Variants in CALN1 observed in about 807,000 individuals in gnomAD.
The protein encoded by CALN1 is calneuron 1.
A neutral mutation model predicts 30.6 loss-of-function variants in CALN1; 17 were observed. The ratio of observed to expected loss-of-function variants is 0.56; its 90% CI spans 0.38 to 0.83. CALN1 has a LOEUF of 0.83. Ranked by LOEUF, CALN1 falls within the 40% of genes least tolerant of loss-of-function variation. CALN1 has a pLI of 0.00. For synonymous variants in CALN1, 156 were observed against 131.4 expected (o/e 1.19, Z -1.28); for missense variants, 291 against 354.9 (o/e 0.82, Z 1.45).
At chr7:72,431,376 C>A (rs1005836021) in intron 1 of CALN1, among the ~76,000 whole-genome samples, 3 of 152,174 alleles carry the variant, frequency 2.0e-5, no homozygotes, top group African/African-American at 2.4e-5. Context: ...GATCTCTGCA[C>A]CCCAATCCTT....
At chr7:72,165,588 T>A (rs1371094434) in intron 3 of CALN1, among the ~76,000 whole-genome samples, 3 of 151,722 alleles carry the variant, frequency 2.0e-5, no homozygotes, top group African/African-American at 7.3e-5. Context: ...AAACTCTGTC[T>A]CCAACAACAA....
At chr7:72,436,811 T>G (rs988445756) in intron 1 of CALN1, among the ~76,000 whole-genome samples, 1 of 152,132 alleles carries the variant, frequency 6.6e-6, no homozygotes, top group African/African-American at 2.4e-5. Context: ...TTCCCAGCCC[T>G]ACTGAATCAG....
intron 3 of CALN1, among the ~76,000 whole-genome samples, chr7:72,253,759 T>A (rs750506340): frequency 6.6e-6 from 1 of 152,146 alleles, no homozygotes; most frequent in East Asian, 1.9e-4. Context: ...TCTTTTTTTA[T>A]AGACAAAGTC....
intron 5 of CALN1, among the ~76,000 whole-genome samples, chr7:71,812,929 C>CATTATTATTATTATT (rs71092917): frequency 5.9e-5 from 8 of 136,502 alleles, no homozygotes; most frequent in South Asian, 2.5e-4. Context: ...TCATCATCAT[C>CATTATTATTATTATT]ATTATTATTA....
At chr7:72,285,984 C>T (rs759612292) in intron 2 of CALN1, among the ~76,000 whole-genome samples, 4 of 152,136 alleles carry the variant, frequency 2.6e-5, no homozygotes, top group Non-Finnish European at 4.4e-5. Flanking sequence ...GTAAAAACAA[C>T]CACGAAAGCA....
chr7:72,191,211 G>T (rs994031479), intron 3 of CALN1, among the ~76,000 whole-genome samples: 25 of 152,166 alleles, frequency 1.6e-4, no homozygotes, highest in African/African-American at 6.0e-4. Flanking sequence ...AGAGGAATTG[G>T]CAACTTCAAA....
chr7:72,485,403 AT>A, the CALN1 span, among the ~76,000 whole-genome samples: 1 of 152,188 alleles, frequency 6.6e-6, no homozygotes, highest in Non-Finnish European at 1.5e-5. Flanking sequence ...TACAAAAGAA[AT>A]TTTTTTAATC....
At chr7:71,833,233 T>G (rs1789396763) in intron 5 of CALN1, among the ~76,000 whole-genome samples, 1 of 152,188 alleles carries the variant, frequency 6.6e-6, no homozygotes, top group South Asian at 2.1e-4. Context: ...TGTGTGAGAA[T>G]CGCCTGCTGA....
intron 1 of CALN1, among the ~76,000 whole-genome samples, chr7:72,430,241 TAATA>T: frequency 6.8e-6 from 1 of 148,102 alleles, no homozygotes; most frequent in East Asian, 1.9e-4. Context: ...TATTTACACA[TAATA>T]ATTATAAATT....
chr7:72,164,023 A>G (rs73355351), intron 3 of CALN1, among the ~76,000 whole-genome samples: 3,750 of 152,262 alleles, frequency 0.025, 141 homozygotes, highest in African/African-American at 0.083. Flanking sequence ...AAGAGAGAGA[A>G]AAAACGGAGT....
chr7:72,485,045 G>C, the CALN1 span, among the ~76,000 whole-genome samples: 1 of 152,084 alleles, frequency 6.6e-6, no homozygotes, highest in African/African-American at 2.4e-5. Context: ...GACAAATAAT[G>C]CACAGCCTCT....
At chr7:72,067,620 A>C (rs1425251392) in intron 4 of CALN1, among the ~76,000 whole-genome samples, 3 of 152,190 alleles carry the variant, frequency 2.0e-5, no homozygotes, top group African/African-American at 4.8e-5. Context: ...ATAAAGAAAA[A>C]TTTAAAAAAA....
chr7:71,894,301 C>T (rs904702481), intron 5 of CALN1, among the ~76,000 whole-genome samples: 1 of 152,192 alleles, frequency 6.6e-6, no homozygotes, highest in Non-Finnish European at 1.5e-5. Flanking sequence ...TCTATCCCCA[C>T]TCAACCAGAA....
chr7:71,967,986 A>T (rs951726330), intron 5 of CALN1, among the ~76,000 whole-genome samples: 3 of 152,232 alleles, frequency 2.0e-5, no homozygotes, highest in African/African-American at 7.2e-5. Context: ...ATCTCTGTAT[A>T]AAGTTAAACA....
At chr7:72,129,339 A>G (rs1341542655) in intron 3 of CALN1, among the ~76,000 whole-genome samples, 1 of 152,206 alleles carries the variant, frequency 6.6e-6, no homozygotes, top group Non-Finnish European at 1.5e-5. Context: ...TTATAAATGC[A>G]TACTTTAACT....
At chr7:72,117,832 C>G (rs1046117243) in intron 3 of CALN1, among the ~76,000 whole-genome samples, 1 of 151,940 alleles carries the variant, frequency 6.6e-6, no homozygotes, top group Non-Finnish European at 1.5e-5. Context: ...GTGGTGGGTG[C>G]CTGTAATCCC....
intron 5 of CALN1, among the ~76,000 whole-genome samples, chr7:71,861,293 A>G (rs1791263421): frequency 6.6e-6 from 1 of 152,080 alleles, no homozygotes; most frequent in Non-Finnish European, 1.5e-5. Flanking sequence ...AAAAAGAGAG[A>G]CACCTTCCCT....
intron 3 of CALN1, among the ~76,000 whole-genome samples, chr7:72,161,207 T>G (rs1298391448): frequency 1.3e-5 from 2 of 152,190 alleles, no homozygotes; most frequent in East Asian, 1.9e-4. Context: ...TGCCTTCACT[T>G]GGGAAATCTC....
At chr7:72,294,919 TTC>T (rs1798750193) in intron 2 of CALN1, among the ~76,000 whole-genome samples, 1 of 152,118 alleles carries the variant, frequency 6.6e-6, no homozygotes, top group Admixed American at 6.6e-5. Flanking sequence ...ATGTGTGCAT[TTC>T]TGAGTGTGTG....
Sources: gnomAD v4.1 joint callset for allele counts (sites outside exome capture counted in the v4.1 genomes callset) on GRCh38, gnomAD v4.1.1 for gene constraint, MANE v1.5 for transcripts, NCBI Gene and HGNC (gene_info 2026-07-23, HGNC 2026-07-21) for gene names.